PCNX2: variants seen among roughly 807,000 people sequenced by gnomAD.
PCNX2 encodes the protein pecanex-like protein 2.
In PCNX2, 168 loss-of-function variants were observed where a neutral mutation model predicts 223.8. That is an observed-to-expected ratio of 0.75 (90% CI 0.66 to 0.85). PCNX2 has a LOEUF of 0.85. PCNX2 is among the 40% of genes least tolerant of loss of function. PCNX2 has a pLI of 0.00. For synonymous variants in PCNX2, 1,006 were observed against 1,052.6 expected, an observed-to-expected ratio of 0.96 and a Z score of 0.86; for missense variants, 2,507 against 2,675.5, an observed-to-expected ratio of 0.94 and a Z score of 1.39.
At position 233,236,836 on chromosome 1, in the gene PCNX2, T is replaced by C. The variant is rs200604705; in HGVS notation, c.2358+9A>G. The C allele has an allele frequency of 1.1e-5, 18 of 1,611,370 alleles. No individual in the cohort carries two copies. The African/African-American group carries it at 2.0e-4, about 18-fold the overall frequency. On this transcript the variant is annotated intron_variant, in intron 9 of 33. Transcript: ENST00000258229. ...ACATCCACAAACAGCAATTCTGGAA[T>C]GTACGTACCCGTGGGGTTTCCGACT...
chr1:233,099,857 C>T (rs1054727045), intron 21 of PCNX2, among the ~76,000 whole-genome samples: 1 of 152,142 alleles, frequency 6.6e-6, no homozygotes, highest in African/African-American at 2.4e-5. Context: ...TTCCAGTAAG[C>T]AGGGCCGCAA....
At chr1:233,236,516 G>C (rs1658422591) in intron 9 of PCNX2, among the ~76,000 whole-genome samples, 2 of 151,956 alleles carry the variant, frequency 1.3e-5, no homozygotes, top group Non-Finnish European at 2.9e-5. Flanking sequence ...TCCAAACCAT[G>C]GGAGAAAAAG....
intron 1 of PCNX2, among the ~76,000 whole-genome samples, chr1:233,265,550 G>T (rs1233883498): frequency 6.6e-6 from 1 of 152,184 alleles, no homozygotes; most frequent in Non-Finnish European, 1.5e-5. Context: ...TCTATAAGAT[G>T]ATGCAGTTTC....
intron 7 of PCNX2, among the ~76,000 whole-genome samples, chr1:233,251,119 CT>C (rs2102986058): frequency 6.6e-6 from 1 of 152,238 alleles, no homozygotes; most frequent in East Asian, 1.9e-4. Flanking sequence ...TTTTGATAGA[CT>C]TATTTGTATC....
rs558171119 is a variant in PCNX2 at position 233,117,542 on chromosome 1, A to C, written c.3837+17471T>G. On this transcript the variant is annotated intron_variant, in intron 21 of 33. Transcript: ENST00000258229. ...CGTGAACCCGGGAGGCGGAGCTTGC[A>C]ATGAGCCGAGATCGCGCCACTGGAC... Among the ~76,000 whole-genome samples the C allele has an allele frequency of 2.6e-5, 4 of 150,984 alleles. No individual in the cohort carries two copies. The East Asian group carries it at 7.9e-4, about 30-fold the overall frequency.
intron 15 of PCNX2, among the ~76,000 whole-genome samples, chr1:233,187,894 T>C (rs757372269): frequency 6.6e-5 from 10 of 152,222 alleles, no homozygotes; most frequent in Non-Finnish European, 1.3e-4. Flanking sequence ...TAAAATATAA[T>C]GTGAAGTCTG....
chr1:233,033,324 G>A, intron 25 of PCNX2: 1 of 439,058 alleles, frequency 2.3e-6, no homozygotes. Flanking sequence ...AAGTGCAAAT[G>A]AGAGGTAAGA....
rs75137371 is a variant in PCNX2 at position 233,139,609 on chromosome 1, A to G, written c.3659+105T>C. 6.8e-5 allele frequency: 90 copies of G among 1,320,604 alleles called. No individual in the cohort carries two copies. The African/African-American group carries it at 1.3e-3, about 19-fold the overall frequency. 81.8% of individuals were successfully genotyped at this position (1,320,604 alleles called of 1,614,324 possible). On this transcript the variant is annotated intron_variant, in intron 20 of 33. Coordinates refer to ENST00000258229, the MANE Select transcript of PCNX2 (RefSeq NM_014801.4). This position sits in a 1 kb window ranked among gnomAD's most constrained non-coding sequence, Gnocchi z 4.4. ...ATGGCTTATTTTTACATGGCCAATC[A>G]CAGTCGGTAAAGGTTGGCTTCTTCT...
chr1:233,304,371 T>C, the PCNX2 span, among the ~76,000 whole-genome samples: 953 of 152,266 alleles, frequency 6.3e-3, 21 homozygotes, highest in East Asian at 0.064. Context: ...TAATCCTCAT[T>C]CAGTTAGCAC....
At chr1:233,006,086 A>G (rs1485818873) in intron 28 of PCNX2, among the ~76,000 whole-genome samples, 1 of 152,136 alleles carries the variant, frequency 6.6e-6, no homozygotes, top group East Asian at 1.9e-4. Context: ...AGGTCCACAC[A>G]TAGAAGACCA....
At chr1:233,112,768 C>T in intron 21 of PCNX2, 1 of 1,164,916 alleles carries the variant, frequency 8.6e-7, no homozygotes, top group Non-Finnish European at 1.1e-6. Context: ...GAGAATTAAG[C>T]AAAAATGAAG....
intron 1 of PCNX2, among the ~76,000 whole-genome samples, chr1:233,291,335 C>G (rs1202074189): frequency 2.0e-5 from 3 of 152,116 alleles, no homozygotes; most frequent in East Asian, 1.9e-4. Flanking sequence ...ACGAGCCAGG[C>G]ATGGTGGCTC....
rs753463648 is a variant in PCNX2 at position 233,025,272 on chromosome 1, G to C, written c.4479C>G (p.Arg1493=). 1 of 1,614,044 alleles carries C rather than the reference G, an allele frequency of 6.2e-7. No homozygotes were observed. The highest frequency in any genetic ancestry group is 8.5e-7 in the Non-Finnish European group (1 of 1,179,902). The change falls in exon 26 of 34, where the codon CGC becomes CGG. Residue 1493 remains arginine (R), a synonymous_variant. Coordinates refer to ENST00000258229, the MANE Select transcript of PCNX2 (RefSeq NM_014801.4). ...TCTGCGTGATTTCCCAGGTGAGCCA[G>C]CGGAGGTGAAAGGCAGCGTTGCAGG... ...LLSCNAAFHL[R]WLTWEITQTQ...
At chr1:233,130,864 G>A (rs964889665) in intron 21 of PCNX2, among the ~76,000 whole-genome samples, 2 of 151,924 alleles carry the variant, frequency 1.3e-5, no homozygotes, top group African/African-American at 4.8e-5. Context: ...AGGGGGAGTG[G>A]GGGATTTGGG....
chr1:233,285,288 G>A (rs1384766153), intron 1 of PCNX2, among the ~76,000 whole-genome samples: 8 of 151,914 alleles, frequency 5.3e-5, no homozygotes, highest in Non-Finnish European at 8.8e-5. Context: ...AGTGTTTGAG[G>A]TTGCAGTGAG....
At chr1:233,232,771 A>G (rs1658146098) in intron 9 of PCNX2, 1 of 978,040 alleles carries the variant, frequency 1.0e-6, no homozygotes, top group South Asian at 4.7e-5. Flanking sequence ...CTAGAATAAC[A>G]GTCAGCCAGG....
At chr1:233,037,844 G>A (rs1671510810) in intron 25 of PCNX2, among the ~76,000 whole-genome samples, 1 of 152,156 alleles carries the variant, frequency 6.6e-6, no homozygotes, top group African/African-American at 2.4e-5. Flanking sequence ...TGTCTGGCAA[G>A]CCAGATTTTA....
chr1:233,134,657 CGGAG>C (rs768537505), intron 21 of PCNX2: 90 of 282,026 alleles, frequency 3.2e-4, no homozygotes, highest in Middle Eastern at 9.8e-4. Context: ...GAGGGAGAGA[CGGAG>C]GGAGGGAGGG....
At chr1:233,312,207 A>C in the PCNX2 span, among the ~76,000 whole-genome samples, 1 of 152,142 alleles carries the variant, frequency 6.6e-6, no homozygotes, top group Non-Finnish European at 1.5e-5. Context: ...TTAATAGCCA[A>C]CTTAAGCAGA....
Sources: allele counts gnomAD v4.1 joint callset (sites outside exome capture counted in the v4.1 genomes callset), GRCh38; gene constraint gnomAD v4.1.1; non-coding constraint Gnocchi (gnomAD v3.1); transcripts MANE v1.5; gene names NCBI Gene and HGNC (gene_info 2026-07-23, HGNC 2026-07-21).